The following DIAPH2 variants were observed in gnomAD, a reference collection of about 807,000 sequenced individuals.
DIAPH2 encodes diaphanous related formin 2, also known as protein diaphanous homolog 2.
DIAPH2 carries 35 observed loss-of-function variants against 92.7 expected under a neutral mutation model. The observed-to-expected ratio is 0.38, with a 90% confidence interval of 0.29 to 0.50. The LOEUF is 0.50. DIAPH2 is among the 20% of genes least tolerant of loss of function. DIAPH2 has a pLI of 0.94. For missense variants in DIAPH2, 701 were observed against 819.5 expected (o/e 0.86, Z 1.77); for synonymous variants, 301 against 280.4 (o/e 1.07, Z -0.73).
chrX:97,469,143 A>G (rs955081792), intron 26 of DIAPH2, among the ~76,000 whole-genome samples: 1 of 111,921 alleles, frequency 8.9e-6, no homozygotes, highest in Non-Finnish European at 1.9e-5. Flanking sequence ...ATTAAATATC[A>G]GTTGATTTTC....
At chrX:97,181,577 ATTTTGTAT>A (rs1396300931) in intron 22 of DIAPH2, among the ~76,000 whole-genome samples, 2 of 110,561 alleles carry the variant, frequency 1.8e-5, no homozygotes, top group Non-Finnish European at 3.8e-5. Flanking sequence ...ACCCCAGCTA[ATTTTGTAT>A]TTTTAGTAGA....
intron 4 of DIAPH2, among the ~76,000 whole-genome samples, chrX:96,816,641 C>T (rs1180330638): frequency 1.8e-5 from 2 of 112,112 alleles, no homozygotes; most frequent in African/African-American, 6.5e-5. Context: ...TAAATCAATA[C>T]AACCACTATG....
At chrX:97,461,163 G>A (rs369405093) in intron 26 of DIAPH2, among the ~76,000 whole-genome samples, 13 of 110,770 alleles carry the variant, frequency 1.2e-4, no homozygotes, top group African/African-American at 2.0e-4. Context: ...GAGGGAACTC[G>A]TGTCAGTCTC....
At chrX:97,254,424 G>A (rs1800888426) in intron 23 of DIAPH2, among the ~76,000 whole-genome samples, 3 of 102,520 alleles carry the variant, frequency 2.9e-5, no homozygotes, top group African/African-American at 1.1e-4. Flanking sequence ...CCCAGGAGGC[G>A]AAGGTTGCAG....
intron 4 of DIAPH2, among the ~76,000 whole-genome samples, chrX:96,804,195 A>G (rs1302185018): frequency 3.6e-5 from 4 of 111,528 alleles, no homozygotes; most frequent in Non-Finnish European, 7.5e-5. Context: ...TCATATTATC[A>G]GCCTTATTTG....
At chrX:96,788,865 C>T (rs2064478636) in intron 4 of DIAPH2, among the ~76,000 whole-genome samples, 1 of 112,187 alleles carries the variant, frequency 8.9e-6, no homozygotes, top group African/African-American at 3.2e-5. Context: ...TCCCAACTCT[C>T]CCATTAGATG....
chrX:97,540,184 G>T (rs947543450), intron 26 of DIAPH2, among the ~76,000 whole-genome samples: 7 of 111,991 alleles, frequency 6.3e-5, no homozygotes, highest in Non-Finnish European at 1.3e-4. Context: ...CTCAATTTGG[G>T]ATACAGAATA....
intron 22 of DIAPH2, among the ~76,000 whole-genome samples, chrX:97,245,131 CTTTTGTT>C (rs937944142): frequency 3.9e-5 from 4 of 101,830 alleles, no homozygotes; most frequent in African/African-American, 1.4e-4. Context: ...TGTTTGTTTG[CTTTTGTT>C]TTTTGTTTTT....
At chrX:97,244,861 C>T (rs1328063394) in intron 22 of DIAPH2, among the ~76,000 whole-genome samples, 2 of 111,510 alleles carry the variant, frequency 1.8e-5, no homozygotes, top group African/African-American at 6.5e-5. Context: ...GAGGCCGAGG[C>T]GGGTGGATCA....
At chrX:96,939,484 G>GTGTATATATATATATATA (rs745521574) in intron 12 of DIAPH2, 102 bp downstream of exon 12, 14 of 145,141 alleles carry the variant, frequency 9.6e-5, no homozygotes, top group South Asian at 2.4e-4. Flanking sequence ...ATATGTGTGT[G>GTGTATATATATATATATA]TATGTATATA....
intron 1 of DIAPH2, among the ~76,000 whole-genome samples, chrX:96,697,108 C>T (rs1450462359): frequency 2.7e-5 from 3 of 109,922 alleles, no homozygotes; most frequent in South Asian, 4.0e-4. Flanking sequence ...TCACCTCATC[C>T]TCAAGGTTGT....
Position 96,767,812 on chromosome X carries a change from G to A in DIAPH2, c.447+9554G>A, listed in dbSNP as rs184394697. On this transcript the variant is annotated intron_variant, in intron 4 of 26. Coordinates refer to ENST00000324765, the MANE Select transcript of DIAPH2 (RefSeq NM_006729.5). ...GTGTGGATTATTGCTGGGCTTTGAG[G>A]AAAAAAGTAAAATCATATATGATCT... Among the ~76,000 whole-genome samples the A allele has an allele frequency of 3.2e-3, 359 of 111,514 alleles. 1 individual carries two copies. Among genetic ancestry groups the A allele is most frequent in the Non-Finnish European group, 5.4e-3 (285 of 53,036 alleles).
intron 21 of DIAPH2, among the ~76,000 whole-genome samples, chrX:97,132,770 G>C (rs73250784): frequency 8.9e-6 from 1 of 112,202 alleles, no homozygotes; most frequent in Non-Finnish European, 1.9e-5. Flanking sequence ...TGACTGTACT[G>C]GTGGTTTAGA....
intron 22 of DIAPH2, among the ~76,000 whole-genome samples, chrX:97,226,823 C>T (rs1380754484): frequency 9.0e-6 from 1 of 111,600 alleles, no homozygotes; most frequent in African/African-American, 3.3e-5. Context: ...GTGTATATTC[C>T]AGTAGTTACA....
At chrX:97,028,444 A>G (rs2066349913) in intron 17 of DIAPH2, among the ~76,000 whole-genome samples, 1 of 111,649 alleles carries the variant, frequency 9.0e-6, no homozygotes, top group African/African-American at 3.3e-5. Context: ...ACCCATTAGC[A>G]GTCACTCCTC....
intron 4 of DIAPH2, among the ~76,000 whole-genome samples, chrX:96,797,376 G>A (rs1350089009): frequency 2.7e-5 from 3 of 111,815 alleles, no homozygotes; most frequent in African/African-American, 9.8e-5. Context: ...AGCTACTAGG[G>A]AGGCTGAGGC....
At chrX:97,319,538 C>A (rs2147651070) in intron 23 of DIAPH2, among the ~76,000 whole-genome samples, 1 of 110,292 alleles carries the variant, frequency 9.1e-6, no homozygotes. Flanking sequence ...AGGCGCCCAC[C>A]ACTGCACCCG....
Position 96,937,363 on chromosome X carries a change from C to T in DIAPH2, c.1208+12C>T, listed in dbSNP as rs199668346. 52 of 1,029,544 alleles carry T rather than the reference C, an allele frequency of 5.1e-5. No homozygotes were observed. In the Admixed American group the frequency reaches 1.3e-3, roughly 26 times the overall value. 84.8% of individuals were successfully genotyped at this position (1,029,544 alleles called of 1,213,427 possible). The stretch of plus-strand genomic sequence containing the variant: ...CGAGCAGAAATGGAATATCCTTTGA[C>T]AAACCACAAAACAATTTTGTTTGCA... On this transcript the variant is annotated intron_variant, in intron 11 of 26. Transcript: ENST00000324765.
chrX:97,250,129 C>A (rs2068176960), intron 23 of DIAPH2, among the ~76,000 whole-genome samples: 1 of 110,680 alleles, frequency 9.0e-6, no homozygotes, highest in African/African-American at 3.3e-5. Flanking sequence ...AAAAATAGGA[C>A]CATGATTCCA....
Sources: gnomAD v4.1 joint callset for allele counts (sites outside exome capture counted in the v4.1 genomes callset) on GRCh38, gnomAD v4.1.1 for gene constraint, MANE v1.5 for transcripts, NCBI Gene and HGNC (gene_info 2026-07-23, HGNC 2026-07-21) for gene names.